The following CCPG1 variants were observed in gnomAD, a reference collection of about 807,000 sequenced individuals.
CCPG1 encodes cell cycle progression protein 1.
Under a neutral mutation model 81.3 loss-of-function variants are expected in CCPG1, and 46 were observed. That is an observed-to-expected ratio of 0.57 (90% confidence interval 0.45 to 0.72). The LOEUF is 0.72. Ranked by LOEUF, CCPG1 falls within the 30% of genes least tolerant of loss-of-function variation. CCPG1 has a pLI of 0.00. For missense variants in CCPG1, 902 were observed against 937.6 expected (o/e 0.96, Z 0.50); for synonymous variants, 330 against 305.2 (o/e 1.08, Z -0.85).
intron 1 of CCPG1, among the ~76,000 whole-genome samples, chr15:55,404,761 C>G (rs1030134461): frequency 2.6e-5 from 4 of 152,092 alleles, no homozygotes; most frequent in African/African-American, 9.7e-5. Context: ...ATAGCGAGAC[C>G]CTGCCTCTAC....
At chr15:55,384,838 C>G (rs552055634) in intron 3 of CCPG1, among the ~76,000 whole-genome samples, 1 of 152,006 alleles carries the variant, frequency 6.6e-6, no homozygotes, top group African/African-American at 2.4e-5. Flanking sequence ...TAAAGCAAAG[C>G]AGAATAAAAT....
intron 6 of CCPG1, among the ~76,000 whole-genome samples, chr15:55,368,189 C>T (rs578185433): frequency 1.3e-5 from 2 of 152,196 alleles, no homozygotes; most frequent in African/African-American, 4.8e-5. Flanking sequence ...ATCCTGGAAC[C>T]CATCCCTCAT....
chr15:55,394,416 G>A (rs1274931651), intron 1 of CCPG1, among the ~76,000 whole-genome samples: 1 of 152,174 alleles, frequency 6.6e-6, no homozygotes, highest in African/African-American at 2.4e-5. Context: ...GTAGGTGAGG[G>A]CTTTGTGATA....
chr15:55,406,950 C>T (rs1189108750), intron 1 of CCPG1, among the ~76,000 whole-genome samples: 1 of 150,940 alleles, frequency 6.6e-6, no homozygotes, highest in Non-Finnish European at 1.5e-5. Flanking sequence ...CGCGGTGGGT[C>T]ACGCCTGTAA....
chr15:55,386,818 A>C (rs1353316758), intron 2 of CCPG1, among the ~76,000 whole-genome samples: 1 of 151,888 alleles, frequency 6.6e-6, no homozygotes. Flanking sequence ...AATGGCGTGA[A>C]CCGATGGGGC....
chr15:55,394,752 T>C (rs2056984098), intron 1 of CCPG1, among the ~76,000 whole-genome samples: 1 of 151,826 alleles, frequency 6.6e-6, no homozygotes, highest in Admixed American at 6.6e-5. Flanking sequence ...CTATTTGTGT[T>C]ATCTAAGCTC....
intron 7 of CCPG1, among the ~76,000 whole-genome samples, chr15:55,363,746 T>A (rs1287305880): frequency 6.7e-6 from 1 of 149,392 alleles, no homozygotes; most frequent in Non-Finnish European, 1.5e-5. Context: ...AGTGTGAGAA[T>A]TGGGGGTGGA....
chr15:55,376,880 G>A (rs2056576861), intron 5 of CCPG1, 69 bp downstream of exon 5: 2 of 1,115,622 alleles, frequency 1.8e-6, no homozygotes, highest in Non-Finnish European at 1.3e-6. Flanking sequence ...ATTATTAGGG[G>A]TAGAAAACAA....
At chr15:55,397,209 G>A (rs35591827) in intron 1 of CCPG1, among the ~76,000 whole-genome samples, 35,034 of 149,546 alleles carry the variant, frequency 0.23, 5,182 homozygotes, top group Non-Finnish European at 0.34. Context: ...GCGAGACTCC[G>A]TCTCAAAAAA....
intron 3 of CCPG1, among the ~76,000 whole-genome samples, chr15:55,384,144 T>G (rs1013123399): frequency 1.1e-4 from 16 of 152,256 alleles, no homozygotes; most frequent in African/African-American, 3.6e-4. Context: ...TTGGCCTGAT[T>G]TCAATATTGT....
Position 55,360,742 on chromosome 15 carries a change from C to T in CCPG1, c.1031G>A (p.Ser344Asn), listed in dbSNP as rs2056175801. Residue 344 changes from serine (S) to asparagine (N), a missense_variant, in exon 8 of 9, where the codon AGT (serine) becomes AAT (asparagine). Ser to Asn is a conservative substitution (Grantham distance 46, BLOSUM62 1). This residue lies in a region of CCPG1 where 746 missense variants were observed against 728.6 expected (regional missense o/e 1.02). Coordinates refer to ENST00000442196, the MANE Select transcript of CCPG1 (RefSeq NM_001204450.2). ...QIRILEDKGTSTELVKENQKL... is the reference protein window; with the variant it reads ...QIRILEDKGTNTELVKENQKL... ...CTGATTTTCTTTAACTAATTCAGTACTTGTCCCTTTATCTTCCAATATTCT... is the reference window on the plus strand; with the variant it reads ...CTGATTTTCTTTAACTAATTCAGTATTTGTCCCTTTATCTTCCAATATTCT... 3 of 1,612,004 alleles carry T rather than the reference C, an allele frequency of 1.9e-6. No homozygotes were observed. The highest frequency in any genetic ancestry group is 2.5e-6 in the Non-Finnish European group (3 of 1,179,484).
At chr15:55,407,979 G>C (rs2057270513) in intron 1 of CCPG1, 1 of 152,322 alleles carries the variant, frequency 6.6e-6, no homozygotes, top group Non-Finnish European at 1.5e-5. Flanking sequence ...TTTGGAGGCT[G>C]CAAGACCACC....
intron 1 of CCPG1, among the ~76,000 whole-genome samples, chr15:55,404,888 G>A (rs1179197526): frequency 1.3e-5 from 2 of 152,130 alleles, no homozygotes; most frequent in Non-Finnish European, 2.9e-5. Flanking sequence ...TGGCCATTAT[G>A]GTGAAACCCC....
chr15:55,356,910 G>A (rs143688236), intron 8 of CCPG1: 21 of 985,502 alleles, frequency 2.1e-5, no homozygotes, highest in African/African-American at 1.2e-4. Context: ...TCCCCTGGCC[G>A]CCCAGTTTCC....
chr15:55,402,533 T>C (rs953802380), intron 1 of CCPG1, among the ~76,000 whole-genome samples: 2 of 152,200 alleles, frequency 1.3e-5, no homozygotes, highest in Non-Finnish European at 2.9e-5. Context: ...CCAGCCAATA[T>C]GTACTTGTTT....
intron 3 of CCPG1, among the ~76,000 whole-genome samples, chr15:55,381,308 G>C (rs1179971475): frequency 6.6e-6 from 1 of 151,534 alleles, no homozygotes; most frequent in Non-Finnish European, 1.5e-5. Context: ...GCTGGGCATA[G>C]TGGCAGGCAC....
intron 1 of CCPG1, among the ~76,000 whole-genome samples, chr15:55,407,044 C>CCCCCCT (rs1555411244): frequency 7.4e-6 from 1 of 135,610 alleles, no homozygotes; most frequent in Non-Finnish European, 1.5e-5. Flanking sequence ...GAGACCCCCC[C>CCCCCCT]CCCCGCCCCG....
At chr15:55,381,019 C>A (rs1306597985) in intron 3 of CCPG1, among the ~76,000 whole-genome samples, 2 of 151,936 alleles carry the variant, frequency 1.3e-5, no homozygotes, top group Non-Finnish European at 2.9e-5. Context: ...CACCTGTAGT[C>A]CCAGCTACTT....
At chr15:55,370,268 A>G (rs769668963) in intron 6 of CCPG1, among the ~76,000 whole-genome samples, 1 of 152,248 alleles carries the variant, frequency 6.6e-6, no homozygotes. Flanking sequence ...CAATCTTTGC[A>G]TAAGAAATAC....
Sources: allele counts gnomAD v4.1 joint callset (sites outside exome capture counted in the v4.1 genomes callset), GRCh38; gene constraint gnomAD v4.1.1; regional missense constraint gnomAD v4.1.1; transcripts MANE v1.5; gene names NCBI Gene and HGNC (gene_info 2026-07-23, HGNC 2026-07-21).